KAZN: variants seen among roughly 807,000 people sequenced by gnomAD.
KAZN encodes kazrin, periplakin interacting protein.
Under a neutral mutation model 87.4 loss-of-function variants are expected in KAZN, and 40 were observed. That is an observed-to-expected ratio of 0.46 (90% CI 0.36 to 0.60). The LOEUF is 0.60. KAZN is among the 20% of genes least tolerant of loss of function. The pLI is 0.00. For synonymous variants in KAZN, 466 were observed against 458.3 expected, an observed-to-expected ratio of 1.02 and a Z score of -0.22; for missense variants, 898 against 1,073.9, an observed-to-expected ratio of 0.84 and a Z score of 2.29.
In KAZN at chr1:15,114,553, A is replaced by T. The variant is rs776426652; in HGVS notation, c.2246A>T (p.Asp749Val). The T allele has an allele frequency of 2.7e-5, 44 of 1,609,730 alleles. 1 individual carries two copies. The highest frequency in any genetic ancestry group is 3.1e-5 in the Non-Finnish European group (37 of 1,178,098). The part of the protein sequence containing the change: ...HDDYGSLQNE[D>V]CGDDDPQSRL... ...GACTATGGCTCTCTTCAAAACGAAG[A>T]TTGCGGAGACGATGACCCCCAGAGC... Residue 749 changes from aspartate (D) to valine (V), a missense_variant, in exon 15 of 15, where the codon GAT becomes GTT. By Grantham distance (152) the Asp-to-Val change is radical. Coordinates refer to ENST00000376030, the MANE Select transcript of KAZN (RefSeq NM_201628.3).
At chr1:14,227,859 G>A (rs1487575160) in intron 2 of KAZN, among the ~76,000 whole-genome samples, 1 of 152,160 alleles carries the variant, frequency 6.6e-6, no homozygotes, top group African/African-American at 2.4e-5. Context: ...ATGTATGTAT[G>A]TAGTATGGAA....
intron 2 of KAZN, among the ~76,000 whole-genome samples, chr1:14,320,802 C>T (rs1442568388): frequency 6.6e-6 from 1 of 152,172 alleles, no homozygotes; most frequent in African/African-American, 2.4e-5. Context: ...GCTACAAAGT[C>T]ATGCTGATAT....
chr1:14,087,301 T>C (rs955347191), intron 1 of KAZN, among the ~76,000 whole-genome samples: 1 of 152,208 alleles, frequency 6.6e-6, no homozygotes, highest in South Asian at 2.1e-4. Context: ...TATTGTTGTA[T>C]AGTGACCTTT....
intron 2 of KAZN, among the ~76,000 whole-genome samples, chr1:15,003,635 G>A (rs907288117): frequency 6.6e-6 from 1 of 152,220 alleles, no homozygotes; most frequent in Non-Finnish European, 1.5e-5. Flanking sequence ...TTTTCAGGCA[G>A]TGTTCTTTAT....
chr1:14,314,969 T>G (rs964038003), intron 2 of KAZN, among the ~76,000 whole-genome samples: 2 of 152,142 alleles, frequency 1.3e-5, no homozygotes, highest in Non-Finnish European at 2.9e-5. Context: ...CAGCATAATA[T>G]TTTCAAGGTT....
chr1:14,200,562 A>C (rs1022253790), intron 2 of KAZN, among the ~76,000 whole-genome samples: 1 of 152,218 alleles, frequency 6.6e-6, no homozygotes, highest in East Asian at 1.9e-4. Context: ...TTGTTTCTGC[A>C]TATGCATATG....
intron 1 of KAZN, among the ~76,000 whole-genome samples, chr1:13,913,075 G>A (rs1381208383): frequency 6.6e-6 from 1 of 152,058 alleles, no homozygotes; most frequent in African/African-American, 2.4e-5. Context: ...TGGGGTTGGG[G>A]TCACTGGACC....
intron 2 of KAZN, among the ~76,000 whole-genome samples, chr1:14,317,236 G>T (rs76679201): frequency 0.024 from 3,639 of 151,682 alleles, 155 homozygotes; most frequent in African/African-American, 0.083. Flanking sequence ...GGTTGTTATG[G>T]CCTCTTGATG....
intron 1 of KAZN, among the ~76,000 whole-genome samples, chr1:14,091,920 C>T (rs529092033): frequency 7.2e-5 from 11 of 152,066 alleles, no homozygotes; most frequent in South Asian, 4.2e-4. Context: ...TGAAAGAGCA[C>T]GCTAACAATG....
At chr1:14,350,525 G>A (rs1158880254) in intron 2 of KAZN, among the ~76,000 whole-genome samples, 1 of 152,160 alleles carries the variant, frequency 6.6e-6, no homozygotes, top group East Asian at 1.9e-4. Context: ...GAGATCTTTT[G>A]GGTTGTCATA....
At chr1:13,927,919 C>T (rs1441887466) in intron 1 of KAZN, among the ~76,000 whole-genome samples, 2 of 152,142 alleles carry the variant, frequency 1.3e-5, no homozygotes, top group Non-Finnish European at 2.9e-5. Context: ...GCATCCCAGG[C>T]AGGGGCAGGG....
intron 2 of KAZN, among the ~76,000 whole-genome samples, chr1:14,528,748 CAAAAA>C (rs36033087): frequency 1.5e-5 from 1 of 66,934 alleles, no homozygotes. Context: ...GACCCTGTCT[CAAAAA>C]AAAAAAAAAA....
At chr1:14,898,833 G>T (rs556508799) in intron 1 of KAZN, among the ~76,000 whole-genome samples, 1 of 152,152 alleles carries the variant, frequency 6.6e-6, no homozygotes, top group East Asian at 1.9e-4. Context: ...GTAGCTACTG[G>T]TTGAATGAAT....
At chr1:14,841,666 A>C (rs928824270) in intron 1 of KAZN, among the ~76,000 whole-genome samples, 4 of 152,218 alleles carry the variant, frequency 2.6e-5, no homozygotes, top group African/African-American at 9.6e-5. Flanking sequence ...CATCAGCAGC[A>C]GTGGGAGGAT....
chr1:14,212,491 A>C (rs1420522829), intron 2 of KAZN, among the ~76,000 whole-genome samples: 3 of 152,148 alleles, frequency 2.0e-5, no homozygotes, highest in Non-Finnish European at 2.9e-5. Context: ...AGAAAAAAAA[A>C]AAAAAGGTAA....
intron 4 of KAZN, among the ~76,000 whole-genome samples, chr1:15,044,730 C>CAAAAAA (rs35013376): frequency 9.0e-6 from 1 of 110,596 alleles, no homozygotes. Flanking sequence ...CTGTCTCAAA[C>CAAAAAA]AAAAAAAAAA....
At chr1:14,916,170 C>T (rs76382402) in intron 1 of KAZN, among the ~76,000 whole-genome samples, 30 of 113,556 alleles carry the variant, frequency 2.6e-4, no homozygotes, top group South Asian at 8.5e-4. Flanking sequence ...CACTGTTGTT[C>T]TTTTTTTTTT....
chr1:15,094,475 C>T lies in KAZN; in HGVS notation c.1428+90C>T. ...AGCTGGCCTGCCCCCCACTCCTACC[C>T]TGGAGTCAGGAGAAGGTGCAATCTA... On this transcript the variant is annotated intron_variant, in intron 9 of 14. Transcript: ENST00000376030. The surrounding 1 kb of genome is among the most constrained non-coding windows in gnomAD (Gnocchi z 4.5). 8.1e-7 allele frequency: 1 copy of T among 1,227,406 alleles called. No homozygotes were observed. Among genetic ancestry groups the T allele is most frequent in the Non-Finnish European group, 1.1e-6 (1 of 871,952 alleles). The allele number at this position is 1,227,406 out of a possible 1,614,324, so 76.0% of individuals were successfully genotyped here.
intron 2 of KAZN, among the ~76,000 whole-genome samples, chr1:14,402,233 T>C (rs1406406908): frequency 1.4e-5 from 2 of 143,480 alleles, no homozygotes; most frequent in East Asian, 2.1e-4. Context: ...TAAGTTTCTA[T>C]AGGCCAAAAA....
Sources: allele counts gnomAD v4.1 joint callset (sites outside exome capture counted in the v4.1 genomes callset), GRCh38; gene constraint gnomAD v4.1.1; non-coding constraint Gnocchi (gnomAD v3.1); transcripts MANE v1.5; gene names NCBI Gene and HGNC (gene_info 2026-07-23, HGNC 2026-07-21).